Variants in SYNE1 observed in about 807,000 individuals in gnomAD.
SYNE1 encodes the protein nesprin-1.
SYNE1 carries 616 observed loss-of-function variants against 1,111.0 expected under a neutral mutation model. The ratio of observed to expected loss-of-function variants is 0.55; its 90% CI spans 0.52 to 0.59. The LOEUF (loss-of-function observed/expected upper bound fraction) is 0.59, where lower values mean the gene tolerates loss of function less well. SYNE1 is among the 20% of genes least tolerant of loss of function. The pLI, the probability that SYNE1 is intolerant of heterozygous loss-of-function variation, is 0.00. For missense variants in SYNE1, 10,006 were observed against 10,417.0 expected (o/e 0.96, Z 1.72); for synonymous variants, 3,855 against 3,825.8 (o/e 1.01, Z -0.28).
At chr6:152,573,576 C>T (rs2128332585) in intron 3 of SYNE1, among the ~76,000 whole-genome samples, 1 of 152,126 alleles carries the variant, frequency 6.6e-6, no homozygotes, top group East Asian at 1.9e-4. Flanking sequence ...CCCCAACTTA[C>T]CATTCTCTAA....
At chr6:152,135,398 G>C (rs916188245) in intron 141 of SYNE1, among the ~76,000 whole-genome samples, 166 bp from the exon 142 acceptor site, 12 of 152,212 alleles carry the variant, frequency 7.9e-5, no homozygotes, top group Admixed American at 5.9e-4. Flanking sequence ...CTGATCGTGA[G>C]TTCACGTTCT....
At position 152,354,799 on chromosome 6, in the gene SYNE1, C is replaced by A. The variant is rs143034104; in HGVS notation, c.10786G>T (p.Val3596Leu). The A allele has an allele frequency of 4.3e-6, 7 of 1,614,066 alleles. No individual in the cohort carries two copies. The highest frequency in any genetic ancestry group is 5.9e-6 in the Non-Finnish European group (7 of 1,180,056). Reference sequence around the variant, plus strand: ...TCCATTAGCCTCAATTTGTTCACCACGTTATTGAACTGAGTTCGAGTCTCG... The same window carrying A: ...TCCATTAGCCTCAATTTGTTCACCAAGTTATTGAACTGAGTTCGAGTCTCG... Reference protein sequence around the residue: ...LSETRTQFNNVVNKLRLMEQK... With the variant: ...LSETRTQFNNLVNKLRLMEQK... The change falls in exon 67 of 146, where the codon GTG becomes TTG. Residue 3596 changes from valine (V) to leucine (L), a missense_variant. Transcript: ENST00000367255.
At chr6:152,443,483 C>T (rs1157140341) in intron 30 of SYNE1, among the ~76,000 whole-genome samples, 4 of 152,150 alleles carry the variant, frequency 2.6e-5, no homozygotes, top group Non-Finnish European at 5.9e-5. Context: ...CCAGGATGGT[C>T]TCGATCTGCT....
rs772056716 is a variant in SYNE1, at chr6:152,156,032, G to A, written c.23856C>T (p.Val7952=). ...GVASVLNLCE[V]LLHDCDACAT... ...CACAGGCGTCACAGTCGTGCAGCAG[G>A]ACTTCACACAGGTTGAGGACAGATG... The change falls in exon 132 of 146, where the codon GTC becomes GTT. Residue 7952 remains valine, a synonymous_variant. Coordinates refer to ENST00000367255, the MANE Select transcript of SYNE1 (RefSeq NM_182961.4). 4 of 1,614,018 alleles carry A rather than the reference G, an allele frequency of 2.5e-6. No homozygotes were observed. The African/African-American group carries it at 5.3e-5, about 22-fold the overall frequency.
chr6:152,177,314 G>GAC (rs2153143524), intron 129 of SYNE1, among the ~76,000 whole-genome samples: 1 of 152,198 alleles, frequency 6.6e-6, no homozygotes, highest in South Asian at 2.1e-4. Flanking sequence ...ACGATGAAAG[G>GAC]ACAATCCCCT....
At chr6:152,560,329 G>A (rs185387979) in intron 3 of SYNE1, among the ~76,000 whole-genome samples, 1 of 152,100 alleles carries the variant, frequency 6.6e-6, no homozygotes, top group Non-Finnish European at 1.5e-5. Flanking sequence ...TGGTGCCATT[G>A]CACTCCCGCC....
At chr6:152,594,034 G>A (rs1244255251) in intron 3 of SYNE1, among the ~76,000 whole-genome samples, 1 of 151,894 alleles carries the variant, frequency 6.6e-6, no homozygotes, top group East Asian at 1.9e-4. Flanking sequence ...CCCTGCCTCC[G>A]CCCCATCCCA....
At chr6:152,336,383 T>C (rs2096389781) in intron 76 of SYNE1, 1 of 209,052 alleles carries the variant, frequency 4.8e-6, no homozygotes, top group East Asian at 1.2e-4. Context: ...AAAGCAGCGG[T>C]CCCCAAACTT....
At chr6:152,388,244 A>ACCCCCCG (rs906684498) in intron 53 of SYNE1, among the ~76,000 whole-genome samples, 2 of 143,848 alleles carry the variant, frequency 1.4e-5, no homozygotes, top group African/African-American at 5.1e-5. Context: ...TCTAAAAAGC[A>ACCCCCCG]CCCCCCGCCT....
intron 91 of SYNE1, among the ~76,000 whole-genome samples, chr6:152,306,375 A>G (rs2095373542): frequency 6.6e-6 from 1 of 151,666 alleles, no homozygotes; most frequent in Non-Finnish European, 1.5e-5. Context: ...AATCCCAGCT[A>G]CTCGGGAGCC....
chr6:152,610,848 T>G (rs2099629324), intron 3 of SYNE1, among the ~76,000 whole-genome samples: 1 of 152,132 alleles, frequency 6.6e-6, no homozygotes, highest in African/African-American at 2.4e-5. Flanking sequence ...TTCAACATTC[T>G]TAAAGAAAAG....
chr6:152,325,050 AAAG>A, intron 81 of SYNE1, 31 bp downstream of exon 81: 1 of 1,609,402 alleles, frequency 6.2e-7, no homozygotes, highest in Non-Finnish European at 8.5e-7. Context: ...ATTAGTGAGG[AAAG>A]AAAGGTGAGC....
intron 59 of SYNE1, among the ~76,000 whole-genome samples, chr6:152,371,500 G>A (rs188240609): frequency 4.3e-4 from 64 of 149,266 alleles, no homozygotes; most frequent in Non-Finnish European, 7.8e-4. Context: ...TTATAACATC[G>A]TGAGAATGAA....
intron 58 of SYNE1, among the ~76,000 whole-genome samples, chr6:152,373,634 A>G (rs1227912832): frequency 6.6e-6 from 1 of 151,612 alleles, no homozygotes; most frequent in Admixed American, 6.6e-5. Context: ...TTTACTGTAT[A>G]CGTTAAATGA....
intron 3 of SYNE1, among the ~76,000 whole-genome samples, chr6:152,616,415 T>A (rs1314450916): frequency 1.3e-5 from 2 of 151,936 alleles, no homozygotes; most frequent in Non-Finnish European, 2.9e-5. Flanking sequence ...TCTACAAAAA[T>A]TTTTTAAAAA....
intron 14 of SYNE1, among the ~76,000 whole-genome samples, chr6:152,482,095 G>A (rs1356988855): frequency 6.6e-6 from 1 of 152,088 alleles, no homozygotes; most frequent in Non-Finnish European, 1.5e-5. Context: ...GGCCTCTGCA[G>A]ATCATCAAAT....
chr6:152,405,126 T>A (rs941419724), intron 45 of SYNE1, among the ~76,000 whole-genome samples: 2 of 152,216 alleles, frequency 1.3e-5, no homozygotes, highest in African/African-American at 4.8e-5. Context: ...CTACACTCAC[T>A]ATACTGCAGC....
intron 91 of SYNE1, among the ~76,000 whole-genome samples, chr6:152,304,547 C>T (rs540725307): frequency 6.6e-6 from 1 of 152,254 alleles, no homozygotes; most frequent in African/African-American, 2.4e-5. Context: ...TGGTCTCGAA[C>T]TCCTGATCTC....
rs1156240470 is a variant in SYNE1 at position 152,329,769 on chromosome 6, C to T, written c.14916G>A (p.Glu4972=). 1 of 1,614,192 alleles carries T rather than the reference C, an allele frequency of 6.2e-7. No individual in the cohort carries two copies. Among genetic ancestry groups the T allele is most frequent in the East Asian group, 2.2e-5 (1 of 44,890 alleles). ...DLEHSLAELS[E]LDGDIQEALR... ...AGGCTTCCTGGATGTCTCCATCCAG[C>T]TCTGAGAGCTCAGCGAGGCTGTGTT... Residue 4972 remains glutamate, a synonymous_variant, in exon 78 of 146, where the codon GAG becomes GAA. Coordinates refer to ENST00000367255, the MANE Select transcript of SYNE1 (RefSeq NM_182961.4).
Sources: gnomAD v4.1 joint callset for allele counts (sites outside exome capture counted in the v4.1 genomes callset) on GRCh38, gnomAD v4.1.1 for gene constraint, MANE v1.5 for transcripts, NCBI Gene and HGNC (gene_info 2026-07-23, HGNC 2026-07-21) for gene names.